Variants in MAPDA observed in about 807,000 individuals in gnomAD.
MAPDA encodes the protein N6,N6-dimethyl-AMP deaminase.
the MAPDA span, among the ~76,000 whole-genome samples, chr15:43,332,747 C>T: frequency 3.9e-4 from 59 of 151,970 alleles, no homozygotes; most frequent in African/African-American, 1.4e-3. Context: ...TTTTTTTATT[C>T]TGAGTTCCCT....
chr15:43,334,168 C>T, the MAPDA span, among the ~76,000 whole-genome samples: 1 of 152,130 alleles, frequency 6.6e-6, no homozygotes, highest in Non-Finnish European at 1.5e-5. Flanking sequence ...TGCTACTTTG[C>T]ATTTTTAATC....
chr15:43,335,617 A>G, the MAPDA span: 33 of 1,455,378 alleles, frequency 2.3e-5, no homozygotes, highest in East Asian at 7.3e-4. Flanking sequence ...GCCTATTGCA[A>G]ACTACCAACA....
At chr15:43,352,304 A>G in the MAPDA span, 4 of 180,496 alleles carry the variant, frequency 2.2e-5, no homozygotes, top group African/African-American at 9.4e-5. Context: ...AAGTGGGGAA[A>G]TTAGGTTACT....
the MAPDA span, chr15:43,346,072 G>C: frequency 6.5e-7 from 1 of 1,537,888 alleles, no homozygotes; most frequent in Non-Finnish European, 8.9e-7. Flanking sequence ...GCATTCTCCA[G>C]AGTGTCCAAC....
chr15:43,345,891 G>A, the MAPDA span: 1 of 1,614,176 alleles, frequency 6.2e-7, no homozygotes, highest in South Asian at 1.1e-5. Context: ...TGGCCCTTTA[G>A]TAGCCAAGGA....
chr15:43,351,333 C>CAA, the MAPDA span: 292 of 233,770 alleles, frequency 1.2e-3, no homozygotes, highest in South Asian at 2.9e-3. Flanking sequence ...TCTCACAAAG[C>CAA]AAAAAAAAAA....
At chr15:43,346,896 CA>C in the MAPDA span, 1 of 767,844 alleles carries the variant, frequency 1.3e-6, no homozygotes, top group South Asian at 1.6e-5. Context: ...ACAAGATGTG[CA>C]AATGAATTAA....
chr15:43,334,196 G>T, the MAPDA span, among the ~76,000 whole-genome samples: 2 of 151,808 alleles, frequency 1.3e-5, no homozygotes, highest in African/African-American at 2.4e-5. Flanking sequence ...TGTAAATAAA[G>T]AAACTGAAGC....
the MAPDA span, chr15:43,347,025 G>A: frequency 6.2e-7 from 1 of 1,613,622 alleles, no homozygotes; most frequent in Non-Finnish European, 8.5e-7. Context: ...GGTAGGACAA[G>A]CAAAAGACTT....
the MAPDA span, among the ~76,000 whole-genome samples, chr15:43,342,511 G>C: frequency 0.27 from 40,521 of 150,844 alleles, 8,765 homozygotes; most frequent in African/African-American, 0.59. Context: ...CACTTTGGGA[G>C]GCCAAGGCGG....
chr15:43,343,143 A>ATGG, the MAPDA span: 2 of 1,083,894 alleles, frequency 1.8e-6, no homozygotes, highest in Non-Finnish European at 2.6e-6. Context: ...TGTTTTGATC[A>ATGG]TGGGTGTAAT....
chr15:43,340,397 T>C, the MAPDA span: 7 of 1,509,928 alleles, frequency 4.6e-6, no homozygotes, highest in Non-Finnish European at 6.4e-6. Flanking sequence ...TTTTCCTATG[T>C]GCTTTGATCA....
the MAPDA span, chr15:43,330,701 A>C: frequency 2.1e-6 from 1 of 482,870 alleles, no homozygotes; most frequent in Non-Finnish European, 3.6e-6. Context: ...CTTGCGGCTG[A>C]CCTTTCTTTG....
chr15:43,349,103 G>T, the MAPDA span: 3 of 1,611,158 alleles, frequency 1.9e-6, no homozygotes, highest in Admixed American at 5.1e-5. Context: ...CCAATCCCCA[G>T]GTTGCCTGGG....
the MAPDA span, among the ~76,000 whole-genome samples, chr15:43,339,327 C>T: frequency 6.6e-6 from 1 of 152,210 alleles, no homozygotes; most frequent in Non-Finnish European, 1.5e-5. Flanking sequence ...CTTGATGAAA[C>T]TGAGCTACCC....
chr15:43,352,782 T>A, the MAPDA span: 1 of 152,190 alleles, frequency 6.6e-6, no homozygotes, highest in Admixed American at 6.5e-5. Flanking sequence ...TTTATGTGAA[T>A]GCCTAGGGAT....
the MAPDA span, among the ~76,000 whole-genome samples, chr15:43,334,613 G>A: frequency 1.4e-5 from 1 of 72,246 alleles, no homozygotes; most frequent in Non-Finnish European, 3.7e-5. Flanking sequence ...GGGTGACAGA[G>A]GGAGACTGTC....
the MAPDA span, chr15:43,334,897 C>G: frequency 1.3e-5 from 6 of 455,518 alleles, no homozygotes; most frequent in Non-Finnish European, 2.3e-5. Context: ...TAACAAAATC[C>G]TGTTTCTTTG....
the MAPDA span, among the ~76,000 whole-genome samples, chr15:43,347,265 C>T: frequency 1.3e-5 from 2 of 152,192 alleles, no homozygotes; most frequent in Non-Finnish European, 2.9e-5. Context: ...TCAGTCTCTA[C>T]TGTTACTGTT....
Sources: allele counts gnomAD v4.1 joint callset (sites outside exome capture counted in the v4.1 genomes callset), GRCh38; gene constraint gnomAD v4.1.1; transcripts MANE v1.5; gene names NCBI Gene and HGNC (gene_info 2026-07-23, HGNC 2026-07-21).